Variants in SYT2 observed in about 807,000 individuals in gnomAD.
The protein encoded by SYT2 is synaptotagmin 2.
A neutral mutation model predicts 39.9 loss-of-function variants in SYT2; 15 were observed. The observed-to-expected ratio is 0.38, with a 90% CI of 0.25 to 0.58. The LOEUF is 0.58. Ranked by LOEUF, SYT2 falls within the 20% of genes least tolerant of loss-of-function variation. The probability of loss-of-function intolerance (pLI) is 0.70; values close to 1 mark genes in which losing one functional copy is unlikely to be tolerated. For missense variants in SYT2, 389 were observed against 530.3 expected, an observed-to-expected ratio of 0.73 and a Z score of 2.62; for synonymous variants, 181 against 204.5, an observed-to-expected ratio of 0.89 and a Z score of 0.98.
intron 1 of SYT2, among the ~76,000 whole-genome samples, chr1:202,638,792 TC>T (rs1461593362): frequency 6.6e-6 from 1 of 152,202 alleles, no homozygotes; most frequent in East Asian, 1.9e-4. Context: ...TCAGACTTAT[TC>T]CCCGTCCTTT....
In SYT2 at chr1:202,686,962, T is replaced by G. The variant is rs571214457; in HGVS notation, c.-18+23296A>C. Among the ~76,000 whole-genome samples, 16 of 152,232 alleles carry G rather than the reference T, an allele frequency of 1.1e-4. No homozygotes were observed. The East Asian group carries it at 3.1e-3, about 29-fold the overall frequency. ...CTCTGTGAAGTCTTCTCTGATTCCC[T>G]TGGGCGGACCTGACAGCTCCCCATG... On this transcript the variant is annotated intron_variant, in intron 1 of 8. Coordinates refer to ENST00000367268, the MANE Select transcript of SYT2 (RefSeq NM_177402.5).
rs547989868 is a variant in SYT2, at chr1:202,706,865, G to A, written c.-18+3393C>T. Among the ~76,000 whole-genome samples, 3 of 152,226 alleles carry A rather than the reference G, an allele frequency of 2.0e-5. No homozygotes were observed. The South Asian group carries it at 6.2e-4, about 32-fold the overall frequency. ...CCAGGGGCTACTTCTAAAATAACACGAATAGTTATCAGTTCTACAATACTA... is the reference window on the plus strand; with the variant it reads ...CCAGGGGCTACTTCTAAAATAACACAAATAGTTATCAGTTCTACAATACTA... On this transcript the variant is annotated intron_variant, in intron 1 of 8. Coordinates refer to ENST00000367268, the MANE Select transcript of SYT2 (RefSeq NM_177402.5).
At chr1:202,629,682 A>G (rs1341371411) in intron 1 of SYT2, among the ~76,000 whole-genome samples, 1 of 152,200 alleles carries the variant, frequency 6.6e-6, no homozygotes, top group Non-Finnish European at 1.5e-5. Flanking sequence ...CAGCCTGGGC[A>G]GCACAGTGAA....
intron 1 of SYT2, among the ~76,000 whole-genome samples, chr1:202,688,173 C>G (rs1047200719): frequency 6.6e-6 from 1 of 152,234 alleles, no homozygotes; most frequent in Non-Finnish European, 1.5e-5. Flanking sequence ...TAACACTCTA[C>G]TCTGCAATGT....
intron 1 of SYT2, among the ~76,000 whole-genome samples, chr1:202,676,309 C>T (rs988330399): frequency 1.7e-4 from 26 of 152,154 alleles, no homozygotes; most frequent in African/African-American, 6.0e-4. Flanking sequence ...CCTGGAGGAG[C>T]CCATGGGGCA....
At chr1:202,657,936 A>G (rs1692308595) in intron 1 of SYT2, among the ~76,000 whole-genome samples, 1 of 152,116 alleles carries the variant, frequency 6.6e-6, no homozygotes. Flanking sequence ...ATCAGCAGGA[A>G]GTCACCAGCC....
At chr1:202,608,283 A>ATT (rs56180154) in intron 1 of SYT2, among the ~76,000 whole-genome samples, 61,235 of 140,902 alleles carry the variant, frequency 0.43, 14,843 homozygotes, top group Non-Finnish European at 0.57. Context: ...GATAGAAAAC[A>ATT]TTTTTTTTTT....
intron 1 of SYT2, among the ~76,000 whole-genome samples, chr1:202,698,664 A>C (rs1358922764): frequency 1.3e-5 from 2 of 152,170 alleles, no homozygotes. Flanking sequence ...CCTCTGAACT[A>C]TGTACACCGA....
chr1:202,598,377 G>A lies in SYT2; in HGVS notation c.1053+841C>T, dbSNP rs537215812. Among the ~76,000 whole-genome samples, 5 of 152,310 alleles carry A rather than the reference G, an allele frequency of 3.3e-5. No homozygotes were observed. The South Asian group carries it at 1.0e-3, about 32-fold the overall frequency. ...GGATGCTCTAGATCTAAAATTCTCT[G>A]TAATGAGGACTTCTCTTGGATTAAC... On this transcript the variant is annotated intron_variant, in intron 8 of 8. Transcript: ENST00000367268.
intron 1 of SYT2, among the ~76,000 whole-genome samples, chr1:202,688,957 G>A (rs1222905154): frequency 2.0e-5 from 3 of 152,204 alleles, no homozygotes; most frequent in Non-Finnish European, 4.4e-5. Context: ...TGTTCTAGAT[G>A]TGGCCTGCAG....
rs1691023360 is a variant in SYT2, at chr1:202,616,079, G to C, written c.-17-10290C>G. Reference sequence around the variant, plus strand: ...CAGGATCACCCAGGCCCTCTGCACTGCACAGAAACTGCAGGAAACGCCTCC... The same window carrying C: ...CAGGATCACCCAGGCCCTCTGCACTCCACAGAAACTGCAGGAAACGCCTCC... On this transcript the variant is annotated intron_variant, in intron 1 of 8. Coordinates refer to ENST00000367268, the MANE Select transcript of SYT2 (RefSeq NM_177402.5). Among the ~76,000 whole-genome samples, 5 of 152,028 alleles carry C rather than the reference G, an allele frequency of 3.3e-5. No homozygotes were observed. The South Asian group carries it at 1.0e-3, about 32-fold the overall frequency.
At chr1:202,602,978 C>G (rs772317708) in intron 4 of SYT2, 21 bp downstream of exon 4, 4 of 152,128 alleles carry the variant, frequency 2.6e-5, no homozygotes, top group African/African-American at 2.5e-4. Flanking sequence ...CCCCACTCTG[C>G]CCCCCCACAG....
intron 1 of SYT2, among the ~76,000 whole-genome samples, chr1:202,671,918 G>A (rs1692595891): frequency 6.6e-6 from 1 of 152,154 alleles, no homozygotes; most frequent in South Asian, 2.1e-4. Context: ...CTCCAGGGAA[G>A]ATAGCAAATG....
At chr1:202,650,453 T>TTTG (rs1692170380) in intron 1 of SYT2, among the ~76,000 whole-genome samples, 1 of 151,358 alleles carries the variant, frequency 6.6e-6, no homozygotes, top group Non-Finnish European at 1.5e-5. Flanking sequence ...TTTTTTTTTT[T>TTTG]GAGACATAGT....
chr1:202,639,002 T>C (rs1319603275), intron 1 of SYT2, among the ~76,000 whole-genome samples: 1 of 152,164 alleles, frequency 6.6e-6, no homozygotes, highest in African/African-American at 2.4e-5. Flanking sequence ...TGTCTTTTGG[T>C]CTGTTGTCTT....
chr1:202,697,655 G>A (rs1654007901), intron 1 of SYT2, among the ~76,000 whole-genome samples: 1 of 152,204 alleles, frequency 6.6e-6, no homozygotes, highest in South Asian at 2.1e-4. Flanking sequence ...CAGGGGTCTC[G>A]ATCTGCTTTA....
At chr1:202,606,079 T>C (rs780191650) in intron 1 of SYT2, among the ~76,000 whole-genome samples, 2 of 151,996 alleles carry the variant, frequency 1.3e-5, no homozygotes, top group Non-Finnish European at 2.9e-5. Context: ...ACATGAGCTA[T>C]GGGTGATTAA....
intron 8 of SYT2, 107 bp from the exon 9 acceptor site, chr1:202,597,070 C>G (rs1187121844): frequency 4.2e-6 from 4 of 963,682 alleles, no homozygotes; most frequent in Non-Finnish European, 4.7e-6. Context: ...GGTAAGGCCT[C>G]CTGGGGCTCC....
chr1:202,679,095 A>T (rs1226596432), intron 1 of SYT2, among the ~76,000 whole-genome samples: 4 of 151,382 alleles, frequency 2.6e-5, no homozygotes, highest in Non-Finnish European at 5.9e-5. Flanking sequence ...GGCGACGCCC[A>T]TCTCTCACTC....
Sources: gnomAD v4.1 joint callset for allele counts (sites outside exome capture counted in the v4.1 genomes callset) on GRCh38, gnomAD v4.1.1 for gene constraint, MANE v1.5 for transcripts, NCBI Gene and HGNC (gene_info 2026-07-23, HGNC 2026-07-21) for gene names.